BRINP3: variants seen among roughly 807,000 people sequenced by gnomAD.
BRINP3 encodes the protein BMP/retinoic acid-inducible neural-specific protein 3.
Under a neutral mutation model 71.0 loss-of-function variants are expected in BRINP3, and 19 were observed. The observed-to-expected ratio is 0.27, with a 90% confidence interval of 0.19 to 0.39. BRINP3 has a LOEUF of 0.39. Ranked by LOEUF, BRINP3 falls within the 10% of genes least tolerant of loss-of-function variation. The probability of loss-of-function intolerance (pLI) is 1.00; values close to 1 mark genes in which losing one functional copy is unlikely to be tolerated. For missense variants in BRINP3, 959 were observed against 940.8 expected (o/e 1.02, Z -0.25); for synonymous variants, 380 against 337.7 (o/e 1.13, Z -1.37).
chr1:190,332,026 G>T (rs917141883), intron 2 of BRINP3, among the ~76,000 whole-genome samples: 2 of 151,790 alleles, frequency 1.3e-5, no homozygotes, highest in Non-Finnish European at 2.9e-5. Context: ...CAGACTATTT[G>T]AATCTAATTT....
chr1:190,272,176 A>G (rs1353057653), intron 3 of BRINP3, among the ~76,000 whole-genome samples: 1 of 151,566 alleles, frequency 6.6e-6, no homozygotes, highest in East Asian at 1.9e-4. Context: ...CGTGAAGAAT[A>G]TGTATTTCAG....
At chr1:190,441,121 T>C (rs1285824191) in intron 2 of BRINP3, among the ~76,000 whole-genome samples, 2 of 151,856 alleles carry the variant, frequency 1.3e-5, no homozygotes, top group African/African-American at 4.8e-5. Context: ...TGGTCAAATA[T>C]AATCTCCTAA....
At chr1:190,308,576 A>G (rs3098843) in intron 2 of BRINP3, among the ~76,000 whole-genome samples, 87,133 of 151,382 alleles carry the variant, frequency 0.58, 25,295 homozygotes, top group Admixed American at 0.69. Flanking sequence ...ACACCAGCAT[A>G]GCACATGTAT....
chr1:190,239,875 C>A (rs1325134263), intron 4 of BRINP3, among the ~76,000 whole-genome samples: 1 of 151,842 alleles, frequency 6.6e-6, no homozygotes, highest in East Asian at 1.9e-4. Context: ...AAAGAAAATG[C>A]TGAAATCTGA....
chr1:190,317,168 T>C (rs1444539233), intron 2 of BRINP3, among the ~76,000 whole-genome samples: 2 of 22,944 alleles, frequency 8.7e-5, no homozygotes, highest in African/African-American at 1.9e-4. Flanking sequence ...CGAGAGTCCA[T>C]CTCAAAAAAA....
At chr1:190,418,132 C>T (rs1242280968) in intron 2 of BRINP3, among the ~76,000 whole-genome samples, 1 of 152,110 alleles carries the variant, frequency 6.6e-6, no homozygotes, top group African/African-American at 2.4e-5. Context: ...CTACCAATGC[C>T]TTTAACATCC....
intron 6 of BRINP3, among the ~76,000 whole-genome samples, chr1:190,213,196 G>A (rs1656131118): frequency 6.6e-6 from 1 of 152,004 alleles, no homozygotes; most frequent in Admixed American, 6.6e-5. Context: ...TTCTTTTGCT[G>A]GTAACTGTTT....
chr1:190,107,008 CGTT>C (rs928692013), intron 7 of BRINP3, among the ~76,000 whole-genome samples: 5 of 151,836 alleles, frequency 3.3e-5, no homozygotes, highest in African/African-American at 7.2e-5. Context: ...TTACAATCAT[CGTT>C]GTTGTTCTCA....
chr1:190,236,370 T>C (rs1376460364), intron 4 of BRINP3, among the ~76,000 whole-genome samples: 1 of 151,980 alleles, frequency 6.6e-6, no homozygotes, highest in Non-Finnish European at 1.5e-5. Context: ...CACAGGTTTA[T>C]GTCTTAGAAG....
At chr1:190,445,190 A>G (rs1190019739) in intron 2 of BRINP3, among the ~76,000 whole-genome samples, 3 of 152,238 alleles carry the variant, frequency 2.0e-5, no homozygotes, top group East Asian at 1.9e-4. Context: ...AAAACTTGCT[A>G]CTTCTATAAA....
chr1:190,160,385 A>G (rs1657241762), intron 7 of BRINP3, among the ~76,000 whole-genome samples: 1 of 152,032 alleles, frequency 6.6e-6, no homozygotes, highest in South Asian at 2.1e-4. Flanking sequence ...ACTGTAATGC[A>G]ATTATTAGTT....
At chr1:190,284,865 T>A (rs1663303426) in intron 2 of BRINP3, among the ~76,000 whole-genome samples, 1 of 152,028 alleles carries the variant, frequency 6.6e-6, no homozygotes. Context: ...AGAAAAATAT[T>A]TTCTTAATTT....
At chr1:190,460,872 C>T (rs1223157646) in intron 1 of BRINP3, among the ~76,000 whole-genome samples, 1 of 151,928 alleles carries the variant, frequency 6.6e-6, no homozygotes, top group Non-Finnish European at 1.5e-5. Context: ...GTACATTCTT[C>T]CCCCTAAATA....
intron 2 of BRINP3, among the ~76,000 whole-genome samples, chr1:190,312,994 T>G (rs1400617802): frequency 6.6e-6 from 1 of 151,896 alleles, no homozygotes; most frequent in Non-Finnish European, 1.5e-5. Flanking sequence ...CTACCATTAA[T>G]GTCATCAACT....
intron 6 of BRINP3, among the ~76,000 whole-genome samples, chr1:190,167,026 A>G (rs1416773946): frequency 6.6e-6 from 1 of 151,988 alleles, no homozygotes; most frequent in Non-Finnish European, 1.5e-5. Flanking sequence ...CGCCGGGCCT[A>G]TGAAATTTTT....
chr1:190,134,338 T>C (rs1418480121), intron 7 of BRINP3, among the ~76,000 whole-genome samples: 1 of 152,096 alleles, frequency 6.6e-6, no homozygotes, highest in Non-Finnish European at 1.5e-5. Context: ...TCAATGTTGC[T>C]GTAACATCAT....
chr1:190,336,724 G>A (rs1667304563), intron 2 of BRINP3, among the ~76,000 whole-genome samples: 1 of 151,864 alleles, frequency 6.6e-6, no homozygotes, highest in Non-Finnish European at 1.5e-5. Context: ...ATTTCTTAAA[G>A]TGAATACTAA....
At chr1:190,219,475 T>C (rs1347119912) in intron 6 of BRINP3, among the ~76,000 whole-genome samples, 2 of 152,018 alleles carry the variant, frequency 1.3e-5, no homozygotes, top group East Asian at 1.9e-4. Flanking sequence ...AACAATTCAT[T>C]AGAGGTCTCA....
At chr1:190,181,698 T>C (rs1399496591) in intron 6 of BRINP3, among the ~76,000 whole-genome samples, 1 of 152,034 alleles carries the variant, frequency 6.6e-6, no homozygotes, top group Admixed American at 6.6e-5. Context: ...ATTTATAATG[T>C]AATTACCTTA....
Sources: gnomAD v4.1 joint callset for allele counts (sites outside exome capture counted in the v4.1 genomes callset) on GRCh38, gnomAD v4.1.1 for gene constraint, MANE v1.5 for transcripts, NCBI Gene and HGNC (gene_info 2026-07-23, HGNC 2026-07-21) for gene names.